EPHA6: variants seen among roughly 807,000 people sequenced by gnomAD.
EPHA6 encodes the protein EPH receptor A6, also known as ephrin type-A receptor 6.
Under a neutral mutation model 112.0 loss-of-function variants are expected in EPHA6, and 50 were observed. The observed-to-expected ratio is 0.45, with a 90% CI of 0.36 to 0.56. EPHA6 has a LOEUF of 0.56. Among genes scored for constraint, EPHA6 ranks in the 20% least tolerant of loss-of-function variants. The pLI, the probability that EPHA6 is intolerant of heterozygous loss-of-function variation, is 0.00. For synonymous variants in EPHA6, 529 were observed against 490.7 expected (o/e 1.08, Z -1.03); for missense variants, 1,280 against 1,417.4 (o/e 0.90, Z 1.56).
intron 14 of EPHA6, among the ~76,000 whole-genome samples, chr3:97,654,388 A>G (rs1560235295): frequency 1.3e-5 from 2 of 151,968 alleles, no homozygotes. Flanking sequence ...TTTGGTAGGT[A>G]CTGTTCTGGT....
intron 3 of EPHA6, among the ~76,000 whole-genome samples, chr3:97,138,208 A>G (rs2108345285): frequency 6.6e-6 from 1 of 152,236 alleles, no homozygotes; most frequent in Non-Finnish European, 1.5e-5. Flanking sequence ...AGACTTCTAG[A>G]CTGTCTGAGG....
chr3:97,702,337 G>A (rs904067714), intron 14 of EPHA6, among the ~76,000 whole-genome samples: 5 of 152,112 alleles, frequency 3.3e-5, no homozygotes, highest in Non-Finnish European at 7.4e-5. Flanking sequence ...ATTACTTATT[G>A]AAAGTTCCCA....
intron 3 of EPHA6, among the ~76,000 whole-genome samples, chr3:97,151,744 T>G (rs1422011070): frequency 6.6e-6 from 1 of 152,068 alleles, no homozygotes; most frequent in Non-Finnish European, 1.5e-5. Flanking sequence ...ACTTGAAAAT[T>G]TAATGTGAAA....
At chr3:97,479,734 A>G (rs73133093) in intron 9 of EPHA6, among the ~76,000 whole-genome samples, 69 of 152,338 alleles carry the variant, frequency 4.5e-4, no homozygotes, top group Non-Finnish European at 8.7e-4. Context: ...TCCTTCTTGT[A>G]GGGACTGTCT....
rs2094174646 is a variant in EPHA6, at chr3:97,662,223, T to C, written c.2784+24141T>C. On this transcript the variant is annotated intron_variant, in intron 14 of 17. Transcript: ENST00000389672. ...AGGCTTAGGTAATCAGCCTGTCCCTTTATGTGAATATCTCCTGATTCCCAC... is the reference window on the plus strand; with the variant it reads ...AGGCTTAGGTAATCAGCCTGTCCCTCTATGTGAATATCTCCTGATTCCCAC... 4.6e-5 allele frequency among the ~76,000 whole-genome samples: 7 copies of C among 152,322 alleles called. No homozygotes were observed. In the South Asian group the frequency reaches 1.4e-3, roughly 32 times the overall value.
intron 5 of EPHA6, among the ~76,000 whole-genome samples, chr3:97,369,266 T>C (rs1205597468): frequency 6.6e-6 from 1 of 152,170 alleles, no homozygotes; most frequent in Non-Finnish European, 1.5e-5. Flanking sequence ...GGAAGTTACA[T>C]TAACTCTTTG....
intron 3 of EPHA6, among the ~76,000 whole-genome samples, chr3:97,018,553 A>G (rs2044344264): frequency 6.6e-6 from 1 of 152,184 alleles, no homozygotes; most frequent in Admixed American, 6.5e-5. Flanking sequence ...TGAGGCAGAG[A>G]GGGAGAGGAG....
Position 97,094,756 on chromosome 3 carries a change from C to T in EPHA6, c.1114+106763C>T, listed in dbSNP as rs186676498. On this transcript the variant is annotated intron_variant, in intron 3 of 17. Transcript: ENST00000389672. ...TTAGCCTTCACATTTTAAAAGGCTT[C>T]AACATTTTCTCAGGGAACATCTGCA... Among the ~76,000 whole-genome samples the T allele has an allele frequency of 7.2e-4, 109 of 152,138 alleles. 1 individual carries two copies. The highest frequency in any genetic ancestry group is 6.8e-3 in the Admixed American group (103 of 15,254).
intron 5 of EPHA6, among the ~76,000 whole-genome samples, chr3:97,249,694 T>C (rs1054813225): frequency 1.3e-5 from 2 of 152,186 alleles, no homozygotes; most frequent in African/African-American, 4.8e-5. Flanking sequence ...GTAAGCTTCT[T>C]GAGGGCATGA....
At chr3:97,095,608 A>G (rs2047213047) in intron 3 of EPHA6, among the ~76,000 whole-genome samples, 1 of 152,042 alleles carries the variant, frequency 6.6e-6, no homozygotes, top group African/African-American at 2.4e-5. Flanking sequence ...CTACTTAAAA[A>G]TAATGACCAC....
intron 5 of EPHA6, among the ~76,000 whole-genome samples, chr3:97,389,940 AAC>A (rs1210687765): frequency 6.6e-6 from 1 of 152,126 alleles, no homozygotes; most frequent in Non-Finnish European, 1.5e-5. Context: ...AACATGAGAA[AAC>A]ACAAACTTCT....
intron 3 of EPHA6, among the ~76,000 whole-genome samples, chr3:97,053,052 G>A (rs1157619706): frequency 6.6e-6 from 1 of 152,100 alleles, no homozygotes. Flanking sequence ...TTACAGAAGT[G>A]TGACTGACTG....
chr3:96,887,111 TC>T (rs2037671210), intron 2 of EPHA6, among the ~76,000 whole-genome samples: 1 of 152,160 alleles, frequency 6.6e-6, no homozygotes, highest in Admixed American at 6.5e-5. Flanking sequence ...TTGGTTTGGA[TC>T]CCTTGCTGCT....
At chr3:97,500,168 C>G (rs182719668) in intron 10 of EPHA6, among the ~76,000 whole-genome samples, 1 of 152,136 alleles carries the variant, frequency 6.6e-6, no homozygotes, top group Admixed American at 6.6e-5. Flanking sequence ...ATCAGGATCA[C>G]AAATATTGCT....
intron 3 of EPHA6, among the ~76,000 whole-genome samples, chr3:97,103,925 A>G (rs1682851489): frequency 6.6e-6 from 1 of 151,838 alleles, no homozygotes; most frequent in South Asian, 2.1e-4. Flanking sequence ...ATGTGTTTTA[A>G]TTCCTGATTT....
intron 14 of EPHA6, among the ~76,000 whole-genome samples, chr3:97,694,257 T>C (rs1443697999): frequency 6.6e-6 from 1 of 151,386 alleles, no homozygotes; most frequent in South Asian, 2.1e-4. Context: ...TTTTTTGAGA[T>C]GGAGTCTCCC....
chr3:97,206,235 T>A (rs1388132734), intron 3 of EPHA6, among the ~76,000 whole-genome samples: 1 of 152,074 alleles, frequency 6.6e-6, no homozygotes, highest in Admixed American at 6.6e-5. Context: ...GTCAATGACT[T>A]TGTCTCCTAC....
intron 4 of EPHA6, among the ~76,000 whole-genome samples, chr3:97,235,599 T>C (rs1445668626): frequency 6.6e-6 from 1 of 152,130 alleles, no homozygotes; most frequent in African/African-American, 2.4e-5. Context: ...CTTCCATCCT[T>C]CCTAAATATC....
intron 11 of EPHA6, among the ~76,000 whole-genome samples, chr3:97,592,371 G>C (rs972107154): frequency 1.3e-5 from 2 of 152,156 alleles, no homozygotes; most frequent in East Asian, 3.9e-4. Context: ...TTTGGAAATT[G>C]TATCTAGCAC....
Sources: gnomAD v4.1 joint callset for allele counts (sites outside exome capture counted in the v4.1 genomes callset) on GRCh38, gnomAD v4.1.1 for gene constraint, MANE v1.5 for transcripts, NCBI Gene and HGNC (gene_info 2026-07-23, HGNC 2026-07-21) for gene names.